The following FAM135B variants were observed in gnomAD, a reference collection of about 807,000 sequenced individuals.
FAM135B encodes the protein protein FAM135B.
In FAM135B, 43 loss-of-function variants were observed where a neutral mutation model predicts 127.7. The observed-to-expected ratio is 0.34, with a 90% confidence interval of 0.26 to 0.43. The LOEUF is 0.43. Ranked by LOEUF, FAM135B falls within the 20% of genes least tolerant of loss-of-function variation. The pLI, the probability that FAM135B is intolerant of heterozygous loss-of-function variation, is 1.00. For synonymous variants in FAM135B, 670 were observed against 665.1 expected (o/e 1.01, Z -0.11); for missense variants, 1,558 against 1,725.6 (o/e 0.90, Z 1.72).
chr8:138,177,144 C>T (rs1814547411), intron 11 of FAM135B, among the ~76,000 whole-genome samples: 1 of 152,186 alleles, frequency 6.6e-6, no homozygotes, highest in Non-Finnish European at 1.5e-5. Context: ...AAAATTTTGG[C>T]TGGTGACCTT....
At chr8:138,187,830 A>C (rs1337795819) in intron 9 of FAM135B, among the ~76,000 whole-genome samples, 2 of 152,200 alleles carry the variant, frequency 1.3e-5, no homozygotes, top group Non-Finnish European at 2.9e-5. Context: ...CCAATCCATG[A>C]TTGGAGAGTT....
chr8:138,203,466 G>A (rs1817306960), intron 7 of FAM135B, among the ~76,000 whole-genome samples: 1 of 152,198 alleles, frequency 6.6e-6, no homozygotes, highest in African/African-American at 2.4e-5. Context: ...CCCAGGTTGA[G>A]CTGTCTCTAT....
At chr8:138,273,439 C>T (rs1823546795) in intron 3 of FAM135B, among the ~76,000 whole-genome samples, 1 of 152,176 alleles carries the variant, frequency 6.6e-6, no homozygotes, top group African/African-American at 2.4e-5. Context: ...CTCCTGACCT[C>T]GTGATCCGCC....
intron 2 of FAM135B, among the ~76,000 whole-genome samples, chr8:138,362,404 C>T (rs1830487121): frequency 6.6e-6 from 1 of 151,258 alleles, no homozygotes; most frequent in Non-Finnish European, 1.5e-5. Context: ...TGCGAGTCTT[C>T]ACTGACAGCC....
chr8:138,170,905 C>T (rs936620745), intron 11 of FAM135B, among the ~76,000 whole-genome samples: 5 of 152,122 alleles, frequency 3.3e-5, no homozygotes, highest in African/African-American at 1.2e-4. Flanking sequence ...ATTCATCTCT[C>T]ACTCTCTCTT....
At chr8:138,496,389 T>C (rs1815392470) in intron 1 of FAM135B, among the ~76,000 whole-genome samples, 1 of 152,128 alleles carries the variant, frequency 6.6e-6, no homozygotes, top group African/African-American at 2.4e-5. Flanking sequence ...ATGCGCCCCC[T>C]CAGCCTCCAT....
chr8:138,444,980 G>A (rs573087280), intron 1 of FAM135B, among the ~76,000 whole-genome samples: 2,185 of 152,044 alleles, frequency 0.014, 51 homozygotes, highest in African/African-American at 0.049. Context: ...TATCACCACC[G>A]ATCCCACAGA....
intron 2 of FAM135B, 152 bp from the exon 3 acceptor site, chr8:138,311,072 T>C (rs1371012138): frequency 3.5e-5 from 22 of 621,362 alleles, no homozygotes; most frequent in Non-Finnish European, 4.2e-5. Context: ...AAATGCATTT[T>C]ATCAGCAGAG....
At chr8:138,159,412 T>C (rs1397963261) in intron 12 of FAM135B, among the ~76,000 whole-genome samples, 1 of 150,904 alleles carries the variant, frequency 6.6e-6, no homozygotes, top group Non-Finnish European at 1.5e-5. Flanking sequence ...CACCATGGAA[T>C]ACTATGCATC....
chr8:138,198,008 G>A (rs569107730), intron 7 of FAM135B, among the ~76,000 whole-genome samples: 8 of 152,272 alleles, frequency 5.3e-5, no homozygotes, highest in African/African-American at 1.7e-4. Context: ...TGAGACAATC[G>A]AGTGGCCCCA....
At chr8:138,419,344 C>A (rs1225042776) in intron 1 of FAM135B, among the ~76,000 whole-genome samples, 1 of 152,076 alleles carries the variant, frequency 6.6e-6, no homozygotes, top group African/African-American at 2.4e-5. Context: ...CATTGGAGCA[C>A]CAGACTCATA....
chr8:138,428,050 T>C (rs1191216916), intron 1 of FAM135B, among the ~76,000 whole-genome samples: 1 of 152,212 alleles, frequency 6.6e-6, no homozygotes, highest in Non-Finnish European at 1.5e-5. Context: ...ACGATCATAA[T>C]AGGCTTCCAT....
intron 1 of FAM135B, among the ~76,000 whole-genome samples, chr8:138,464,627 T>C (rs749612115): frequency 3.9e-5 from 6 of 152,136 alleles, no homozygotes; most frequent in Non-Finnish European, 8.8e-5. Flanking sequence ...GACAGTGAAA[T>C]TCCGAAATGG....
At chr8:138,197,369 T>G in intron 8 of FAM135B, 147 bp downstream of exon 8, 1 of 888,780 alleles carries the variant, frequency 1.1e-6, no homozygotes, top group Non-Finnish European at 1.7e-6. Context: ...CCTCTCCTGG[T>G]AGAATAATAA....
At chr8:138,284,682 A>G (rs1035976639) in intron 3 of FAM135B, among the ~76,000 whole-genome samples, 7 of 150,978 alleles carry the variant, frequency 4.6e-5, no homozygotes, top group African/African-American at 1.7e-4. Context: ...AGAGGCTTCA[A>G]CTCGCCCCTC....
intron 7 of FAM135B, among the ~76,000 whole-genome samples, chr8:138,236,789 A>C (rs1820308710): frequency 6.6e-6 from 1 of 152,242 alleles, no homozygotes; most frequent in Non-Finnish European, 1.5e-5. Flanking sequence ...GAAATGTGTA[A>C]TTTTTAATTA....
intron 1 of FAM135B, among the ~76,000 whole-genome samples, chr8:138,380,946 T>C (rs1399111898): frequency 6.6e-6 from 1 of 151,470 alleles, no homozygotes. Context: ...GCCCTCATAT[T>C]AGAGCAACAA....
intron 4 of FAM135B, among the ~76,000 whole-genome samples, chr8:138,259,610 A>G (rs571003049): frequency 1.4e-4 from 21 of 152,312 alleles, no homozygotes; most frequent in African/African-American, 4.8e-4. Context: ...AGCCTCACAT[A>G]GTGCCCATCC....
At chr8:138,269,448 C>T (rs1823196679) in intron 3 of FAM135B, among the ~76,000 whole-genome samples, 1 of 152,188 alleles carries the variant, frequency 6.6e-6, no homozygotes, top group Non-Finnish European at 1.5e-5. Context: ...CAGTTCTGTG[C>T]CCAAACACCA....
Sources: gnomAD v4.1 joint callset for allele counts (sites outside exome capture counted in the v4.1 genomes callset) on GRCh38, gnomAD v4.1.1 for gene constraint, MANE v1.5 for transcripts, NCBI Gene and HGNC (gene_info 2026-07-23, HGNC 2026-07-21) for gene names.